Variants in MYO10 observed in about 807,000 individuals in gnomAD.
MYO10 encodes the protein myosin X, also known as unconventional myosin-X.
A neutral mutation model predicts 257.3 loss-of-function variants in MYO10; 133 were observed. The observed-to-expected ratio is 0.52, with a 90% CI of 0.45 to 0.60. The LOEUF (loss-of-function observed/expected upper bound fraction) is 0.60. MYO10 is among the 20% of genes least tolerant of loss of function. MYO10 has a pLI of 0.00. For missense variants in MYO10, 2,399 were observed against 2,635.7 expected (o/e 0.91, Z 1.97); for synonymous variants, 1,104 against 1,028.6 (o/e 1.07, Z -1.40).
chr5:16,680,164 A>T, intron 32 of MYO10, 60 bp from the exon 33 acceptor site: 1 of 1,560,224 alleles, frequency 6.4e-7, no homozygotes, highest in Non-Finnish European at 8.7e-7. Flanking sequence ...GACTGAGGCA[A>T]TGCCTGTGTC....
chr5:16,726,172 A>G (rs1298169561), intron 19 of MYO10, among the ~76,000 whole-genome samples: 1 of 152,174 alleles, frequency 6.6e-6, no homozygotes, highest in African/African-American at 2.4e-5. Context: ...TGACAAGTTT[A>G]CGTCCAAAGT....
At chr5:16,773,993 G>GA (rs1658194987) in intron 9 of MYO10, among the ~76,000 whole-genome samples, 1 of 152,146 alleles carries the variant, frequency 6.6e-6, no homozygotes, top group African/African-American at 2.4e-5. Context: ...ACTCCAGCAA[G>GA]AGTCTCTATT....
chr5:16,885,124 G>A (rs1305640177), intron 1 of MYO10, among the ~76,000 whole-genome samples: 2 of 151,566 alleles, frequency 1.3e-5, no homozygotes, highest in Non-Finnish European at 2.9e-5. Context: ...ATAAGGAAAA[G>A]AGGAGCAGAG....
At chr5:16,812,045 A>G (rs1742456565) in intron 3 of MYO10, among the ~76,000 whole-genome samples, 1 of 152,140 alleles carries the variant, frequency 6.6e-6, no homozygotes, top group South Asian at 2.1e-4. Flanking sequence ...CTAGGCCCTC[A>G]TCAGACCCAT....
intron 22 of MYO10, 130 bp from the exon 23 acceptor site, chr5:16,703,288 T>C (rs745628193): frequency 6.1e-5 from 42 of 690,640 alleles, no homozygotes; most frequent in Non-Finnish European, 9.8e-5. Flanking sequence ...TTATGGAAAC[T>C]GGAGAGAACA....
chr5:16,678,171 T>TAA (rs1471706837), intron 33 of MYO10, among the ~76,000 whole-genome samples: 3 of 152,216 alleles, frequency 2.0e-5, no homozygotes, highest in Non-Finnish European at 4.4e-5. Context: ...GTTTTACTCC[T>TAA]TTCAGAAGAA....
At position 16,843,136 on chromosome 5, in the gene MYO10, C is replaced by G. The variant is rs145304120; in HGVS notation, c.121-24969G>C. ...CACCAGCCCATTCCCTGACAGGCCT[C>G]GAGCCAGCTGAAACCACACTGAGCT... On this transcript the variant is annotated intron_variant, in intron 2 of 40. Coordinates refer to ENST00000513610, the MANE Select transcript of MYO10 (RefSeq NM_012334.3). 6.6e-5 allele frequency among the ~76,000 whole-genome samples: 10 copies of G among 152,180 alleles called. No homozygotes were observed. In the East Asian group the frequency reaches 1.7e-3, roughly 27 times the overall value.
intron 19 of MYO10, among the ~76,000 whole-genome samples, chr5:16,728,746 CCTGTG>C (rs1579917816): frequency 6.6e-6 from 1 of 152,146 alleles, no homozygotes; most frequent in East Asian, 1.9e-4. Context: ...TGCACTAGGA[CCTGTG>C]TCTAGTTCTG....
intron 1 of MYO10, among the ~76,000 whole-genome samples, chr5:16,924,599 C>T (rs546970256): frequency 6.6e-6 from 1 of 152,302 alleles, no homozygotes; most frequent in South Asian, 2.1e-4. Context: ...CGTTCATGCG[C>T]TGTTTTCTAG....
At chr5:16,834,048 A>G (rs1446532318) in intron 2 of MYO10, among the ~76,000 whole-genome samples, 2 of 152,086 alleles carry the variant, frequency 1.3e-5, no homozygotes, top group African/African-American at 2.4e-5. Flanking sequence ...TCACCTGCCA[A>G]GCTGACTCCA....
At chr5:16,895,982 C>A (rs977743730) in intron 1 of MYO10, among the ~76,000 whole-genome samples, 1 of 152,166 alleles carries the variant, frequency 6.6e-6, no homozygotes, top group East Asian at 1.9e-4. Context: ...GCTCCTCAAC[C>A]GGACTGCAGA....
intron 19 of MYO10, among the ~76,000 whole-genome samples, chr5:16,748,621 A>AGAGGGAGAGAGG (rs1740287388): frequency 6.9e-4 from 93 of 135,506 alleles, no homozygotes; most frequent in African/African-American, 2.2e-3. Context: ...AGAGAGGGAG[A>AGAGGGAGAGAGG]GAGGGAGGGA....
intron 1 of MYO10, among the ~76,000 whole-genome samples, chr5:16,889,207 AT>A (rs199609081): frequency 6.9e-6 from 1 of 145,690 alleles, no homozygotes; most frequent in African/African-American, 2.6e-5. Flanking sequence ...AAAAAAAAAA[AT>A]CAGCCTGGCC....
intron 2 of MYO10, among the ~76,000 whole-genome samples, chr5:16,875,895 G>T (rs1022915664): frequency 2.0e-5 from 3 of 152,152 alleles, no homozygotes; most frequent in African/African-American, 7.2e-5. Context: ...ATCACTCGAG[G>T]TCAGGAGTTC....
intron 19 of MYO10, among the ~76,000 whole-genome samples, chr5:16,740,240 T>C (rs573201364): frequency 2.0e-5 from 3 of 152,226 alleles, no homozygotes; most frequent in Admixed American, 6.5e-5. Context: ...ATTGGTCCTT[T>C]GTAGCCGCTG....
chr5:16,723,293 C>G (rs1228784142), intron 19 of MYO10, among the ~76,000 whole-genome samples: 2 of 151,898 alleles, frequency 1.3e-5, no homozygotes, highest in Non-Finnish European at 2.9e-5. Context: ...GAGGCTGAGG[C>G]AGGAGAATGG....
intron 9 of MYO10, among the ~76,000 whole-genome samples, chr5:16,773,617 A>G (rs1393236901): frequency 1.3e-5 from 2 of 150,812 alleles, no homozygotes; most frequent in African/African-American, 2.4e-5. Flanking sequence ...AGCCATTATC[A>G]CACCACTGTG....
chr5:16,821,718 G>A (rs1298497429), intron 2 of MYO10, among the ~76,000 whole-genome samples: 2 of 151,328 alleles, frequency 1.3e-5, no homozygotes, highest in Non-Finnish European at 2.9e-5. Context: ...CACCTGCCTC[G>A]GCCTCCCAAA....
At position 16,670,693 on chromosome 5, in the gene MYO10, C is replaced by G; in HGVS notation, c.5716G>C (p.Glu1906Gln). 1 of 1,614,046 alleles carries G rather than the reference C, an allele frequency of 6.2e-7. No individual in the cohort carries two copies. Among genetic ancestry groups the G allele is most frequent in the Non-Finnish European group, 8.5e-7 (1 of 1,179,898 alleles). The change falls in exon 39 of 41, where the codon GAG becomes CAG. Residue 1906 changes from glutamate (E) to glutamine (Q), a missense_variant. Glu to Gln is a conservative substitution (Grantham distance 29). Transcript: ENST00000513610. ...GSVVRQKVEE[E>Q]QMLDMWIKEE... ...TTAATCCACATGTCCAGCATCTGCT[C>G]CTCCTCGACCTTCTGCCGGACCACG...
Sources: allele counts gnomAD v4.1 joint callset (sites outside exome capture counted in the v4.1 genomes callset), GRCh38; gene constraint gnomAD v4.1.1; transcripts MANE v1.5; gene names NCBI Gene and HGNC (gene_info 2026-07-23, HGNC 2026-07-21).